The following PARVB variants were observed in gnomAD, a reference collection of about 807,000 sequenced individuals.
PARVB encodes parvin beta, also known as beta-parvin.
In PARVB, 46 loss-of-function variants were observed where a neutral mutation model predicts 47.0. The observed-to-expected ratio is 0.98, with a 90% CI of 0.77 to 1.25. PARVB has a LOEUF of 1.25. PARVB is among the 50% of genes most tolerant of loss of function. PARVB has a pLI of 0.00. For synonymous variants in PARVB, 196 were observed against 196.3 expected (o/e 1.00, Z 0.01); for missense variants, 473 against 471.6 (o/e 1.00, Z -0.03).
intron 3 of PARVB, chr22:44,111,769 C>G (rs1211092135): frequency 6.6e-6 from 1 of 151,628 alleles, no homozygotes; most frequent in Non-Finnish European, 1.5e-5. Context: ...AAGCCATGAG[C>G]CAAAAATTAT....
rs745598503 is a variant in PARVB, at chr22:44,147,874, C to T, written c.726C>T (p.Phe242=). The T allele has an allele frequency of 6.5e-5, 105 of 1,613,920 alleles. No individual in the cohort carries two copies. The Admixed American group carries it at 1.3e-3, about 20-fold the overall frequency. ...GCATGTCCTCAGAGCGGGATGCCTT[C>T]GACACGCTGTTCGACCACGCCCCGG... The part of the protein sequence containing the change: ...MMMGRFERDA[F]DTLFDHAPDK... Residue 242 remains phenylalanine, a synonymous_variant, in exon 9 of 13, where the codon TTC becomes TTT. Coordinates refer to ENST00000338758, the MANE Select transcript of PARVB (RefSeq NM_013327.5).
chr22:44,034,706 C>CTTT (rs34429203), intron 1 of PARVB, among the ~76,000 whole-genome samples: 17 of 107,570 alleles, frequency 1.6e-4, no homozygotes, highest in African/African-American at 2.3e-4. Context: ...CCACGTGTAA[C>CTTT]TTTTTTTTTT....
intron 2 of PARVB, among the ~76,000 whole-genome samples, chr22:44,010,774 G>A (rs192667238): frequency 4.0e-5 from 6 of 151,610 alleles, no homozygotes; most frequent in African/African-American, 7.3e-5. Flanking sequence ...ATGAGTTTAC[G>A]TTTTAAATGT....
intron 7 of PARVB, 60 bp downstream of exon 7, chr22:44,136,578 G>C: frequency 7.0e-7 from 1 of 1,431,952 alleles, no homozygotes; most frequent in Non-Finnish European, 9.9e-7. Context: ...TGGGACCCCA[G>C]GCTGCCACTT....
chr22:44,082,215 G>A (rs1425583947), intron 1 of PARVB, among the ~76,000 whole-genome samples: 1 of 152,210 alleles, frequency 6.6e-6, no homozygotes, highest in Non-Finnish European at 1.5e-5. Context: ...GGTGGCAATT[G>A]AAGGGAGGAA....
intron 1 of PARVB, among the ~76,000 whole-genome samples, chr22:44,093,181 G>A (rs2052214260): frequency 6.6e-6 from 1 of 152,232 alleles, no homozygotes; most frequent in African/African-American, 2.4e-5. Context: ...TGGTGTCTGT[G>A]TGGGTGGGTA....
rs1342408508 is a variant in PARVB, at chr22:44,147,880, G to C, written c.732G>C (p.Thr244=). Residue 244 remains threonine (T), a synonymous_variant, in exon 9 of 13, where the codon ACG becomes ACC. Transcript: ENST00000338758. ...CCTCAGAGCGGGATGCCTTCGACAC[G>C]CTGTTCGACCACGCCCCGGATAAGC... ...MGRFERDAFD[T]LFDHAPDKLS... 5 of 1,613,916 alleles carry C rather than the reference G, an allele frequency of 3.1e-6. No individual in the cohort carries two copies. The highest frequency in any genetic ancestry group is 1.3e-5 in the African/African-American group (1 of 74,904).
chr22:44,080,305 C>G (rs776742180), intron 1 of PARVB, among the ~76,000 whole-genome samples: 3 of 152,234 alleles, frequency 2.0e-5, no homozygotes, highest in African/African-American at 4.8e-5. Flanking sequence ...TTTTACAGTT[C>G]TGGAGGTCAG....
At chr22:44,129,851 T>C (rs1345956201) in intron 4 of PARVB, among the ~76,000 whole-genome samples, 1 of 152,254 alleles carries the variant, frequency 6.6e-6, no homozygotes, top group Non-Finnish European at 1.5e-5. Context: ...ACCTCTGTTA[T>C]CTGTGCCATA....
Position 44,155,956 on chromosome 22 carries a change from G to T in PARVB, c.844-2026G>T, listed in dbSNP as rs1285941229. On this transcript the variant is annotated intron_variant, in intron 10 of 12. Transcript: ENST00000338758. The surrounding 1 kb of genome is among the most constrained non-coding windows in gnomAD (Gnocchi z 4.8). ...TCATGAGGTCAGGAGTTCAAGACCA[G>T]CCTGACCAACATGGTGAAACCCCAT... Among the ~76,000 whole-genome samples the T allele has an allele frequency of 6.6e-6, 1 of 152,134 alleles. No homozygotes were observed. Among genetic ancestry groups the T allele is most frequent in the Non-Finnish European group, 1.5e-5 (1 of 68,030 alleles).
intron 1 of PARVB, among the ~76,000 whole-genome samples, chr22:44,056,694 T>TG (rs2051318337): frequency 6.6e-6 from 1 of 151,592 alleles, no homozygotes; most frequent in Non-Finnish European, 1.5e-5. Context: ...TTTGTTGAGA[T>TG]GGGGTTTCAC....
intron 1 of PARVB, among the ~76,000 whole-genome samples, chr22:44,052,922 G>C (rs1380417472): frequency 1.3e-5 from 2 of 152,234 alleles, no homozygotes; most frequent in East Asian, 3.9e-4. Context: ...CAGCCTGGGA[G>C]ACAGAGCAAA....
intron 1 of PARVB, among the ~76,000 whole-genome samples, chr22:44,027,161 A>G (rs1374389443): frequency 6.6e-6 from 1 of 152,106 alleles, no homozygotes; most frequent in African/African-American, 2.4e-5. Context: ...AGGGCTCCCC[A>G]CAGAAGCTCT....
At chr22:44,035,656 C>G (rs1488889665) in intron 1 of PARVB, among the ~76,000 whole-genome samples, 3 of 152,070 alleles carry the variant, frequency 2.0e-5, no homozygotes, top group African/African-American at 7.2e-5. Flanking sequence ...CGGGTGTGAG[C>G]CACCGCGCCC....
chr22:44,039,724 G>GC (rs1402150950), intron 1 of PARVB: 1 of 387,512 alleles, frequency 2.6e-6, no homozygotes, highest in Non-Finnish European at 5.3e-6. Context: ...AAGGAACAAG[G>GC]TGCCGGTACA....
At chr22:44,120,136 C>G (rs1015791569) in intron 4 of PARVB, among the ~76,000 whole-genome samples, 14 of 152,216 alleles carry the variant, frequency 9.2e-5, no homozygotes, top group African/African-American at 3.1e-4. Context: ...AGCCCGGCCG[C>G]GGGGCCTTTC....
intron 4 of PARVB, among the ~76,000 whole-genome samples, chr22:44,127,429 C>T (rs1010952466): frequency 1.3e-5 from 2 of 152,194 alleles, no homozygotes; most frequent in African/African-American, 4.8e-5. Context: ...TCCTTGAGCT[C>T]CAGGATGCCA....
chr22:44,118,435 G>A (rs5764540), intron 3 of PARVB, among the ~76,000 whole-genome samples: 55,555 of 152,004 alleles, frequency 0.37, 10,360 homozygotes, highest in Middle Eastern at 0.5. Flanking sequence ...CTCAATAAGG[G>A]TGCATACAAA....
intron 1 of PARVB, among the ~76,000 whole-genome samples, chr22:44,056,871 A>G (rs2146950202): frequency 1.3e-5 from 2 of 150,086 alleles, no homozygotes; most frequent in South Asian, 4.3e-4. Context: ...ACTGTATAAA[A>G]TGTCTGGAAA....
Sources: gnomAD v4.1 joint callset for allele counts (sites outside exome capture counted in the v4.1 genomes callset) on GRCh38, gnomAD v4.1.1 for gene constraint, Gnocchi (gnomAD v3.1) non-coding constraint, MANE v1.5 for transcripts, NCBI Gene and HGNC (gene_info 2026-07-23, HGNC 2026-07-21) for gene names.